Variants in ABCA3 observed in about 807,000 individuals in gnomAD.
ABCA3 encodes phospholipid-transporting ATPase ABCA3.
In ABCA3, 88 loss-of-function variants were observed where a neutral mutation model predicts 172.8. The observed-to-expected ratio is 0.51, with a 90% CI of 0.43 to 0.61. The LOEUF is 0.61. Ranked by LOEUF, ABCA3 falls within the 20% of genes least tolerant of loss-of-function variation. ABCA3 has a pLI of 0.00. For missense variants in ABCA3, 2,164 were observed against 2,301.0 expected, an observed-to-expected ratio of 0.94 and a Z score of 1.22; for synonymous variants, 1,066 against 983.8, an observed-to-expected ratio of 1.08 and a Z score of -1.56.
intron 11 of ABCA3, among the ~76,000 whole-genome samples, chr16:2,305,558 G>A (rs2093696365): frequency 6.6e-6 from 1 of 152,084 alleles, no homozygotes; most frequent in South Asian, 2.1e-4. Context: ...GCCTCCCAAA[G>A]TGCTGAGATT....
At position 2,284,428 on chromosome 16, in the gene ABCA3, A is replaced by T. The variant is rs2093659622; in HGVS notation, c.3713T>A (p.Leu1238Gln). 6.2e-7 allele frequency: 1 copy of T among 1,613,738 alleles called. No individual in the cohort carries two copies. The highest frequency in any genetic ancestry group is 1.3e-5 in the African/African-American group (1 of 74,924). The change falls in exon 25 of 33, where the codon CTG (leucine) becomes CAG (glutamine). Residue 1238 changes from leucine (L) to glutamine (Q), a missense_variant. Transcript: ENST00000301732. This position sits in a 1 kb window ranked among gnomAD's most constrained non-coding sequence, Gnocchi z 5.9. ...ATCCAGGGTTTTGGAAAGTTCTTCC[A>T]GTTTTACAGCTGCGTTGGGGAGGTA... The part of the protein sequence containing the change: ...VTIMRIPAVK[L>Q]EELSKTLDHV...
At position 2,278,796 on chromosome 16, in the gene ABCA3, C is replaced by A; in HGVS notation, c.4547+147G>T. ...CAGTCCCTTTCCTACGTGGAGCTACCTGGGTCACACCACCACATCCCAGCT... is the reference window on the plus strand; with the variant it reads ...CAGTCCCTTTCCTACGTGGAGCTACATGGGTCACACCACCACATCCCAGCT... On this transcript the variant is annotated intron_variant, in intron 29 of 32. Transcript: ENST00000301732. This position sits in a 1 kb window ranked among gnomAD's most constrained non-coding sequence, Gnocchi z 4.4. 1 of 1,236,370 alleles carries A rather than the reference C, an allele frequency of 8.1e-7. No individual in the cohort carries two copies. Among genetic ancestry groups the A allele is most frequent in the South Asian group, 1.3e-5 (1 of 77,556 alleles). The allele number at this position is 1,236,370 out of a possible 1,614,324, so 76.6% of individuals were successfully genotyped here. A position where few individuals can be genotyped will look rare whatever the true frequency, so the allele number is the denominator to read the frequency against.
At chr16:2,289,944 ATAT>A (rs752074315) in intron 19 of ABCA3, among the ~76,000 whole-genome samples, 12 of 145,716 alleles carry the variant, frequency 8.2e-5, no homozygotes, top group South Asian at 2.2e-4. Context: ...TGATTTTTTA[ATAT>A]TATGTGAATT....
At chr16:2,310,023 T>C (rs778462597) in intron 10 of ABCA3, among the ~76,000 whole-genome samples, 13 of 152,238 alleles carry the variant, frequency 8.5e-5, no homozygotes, top group Non-Finnish European at 1.6e-4. Context: ...ATATTTATTC[T>C]GTGAGAAATT....
chr16:2,292,268 C>G (rs1429591767), intron 18 of ABCA3, 30 bp from the exon 19 acceptor site: 1 of 1,570,340 alleles, frequency 6.4e-7, no homozygotes, highest in Non-Finnish European at 8.8e-7. Flanking sequence ...TTATGAGTCA[C>G]TTCTCAGTGA....
intron 19 of ABCA3, 94 bp downstream of exon 19, chr16:2,292,046 C>T: frequency 2.0e-6 from 2 of 996,744 alleles, no homozygotes. Context: ...GCACTCCAGC[C>T]TGGGCAACTA....
At chr16:2,303,683 G>A (rs2093693010) in intron 12 of ABCA3, among the ~76,000 whole-genome samples, 1 of 152,218 alleles carries the variant, frequency 6.6e-6, no homozygotes, top group African/African-American at 2.4e-5. Flanking sequence ...GAGGCTGCGT[G>A]CGTGGGTCTT....
chr16:2,335,907 C>T (rs1447432521), intron 1 of ABCA3, among the ~76,000 whole-genome samples: 1 of 152,138 alleles, frequency 6.6e-6, no homozygotes, highest in Non-Finnish European at 1.5e-5. Context: ...CTTAGTATTT[C>T]AAAGAGTCAG....
rs764804870 is a variant in ABCA3, at chr16:2,323,698, CAA to C, written c.448-12_448-11del. 2.9e-5 allele frequency: 46 copies of C among 1,613,936 alleles called. No homozygotes were observed. Among genetic ancestry groups the C allele is most frequent in the Admixed American group, 5.0e-5 (3 of 59,994 alleles). On this transcript the variant is annotated splice_polypyrimidine_tract_variant and intron_variant, in intron 6 of 32. Transcript: ENST00000301732. ...GTAGGTGATATTTCACCTGTGGAAA[CAA>C]AGAGAAAACCAGCTGTTCCGAGAGA...
rs566112092 is a variant in ABCA3 at position 2,298,123 on chromosome 16, G to A, written c.1897-202C>T. Among the ~76,000 whole-genome samples the A allele has an allele frequency of 7.7e-5, 10 of 130,106 alleles. 1 individual carries two copies. In the East Asian group the frequency reaches 1.3e-3, roughly 16 times the overall value. 85.4% of individuals were successfully genotyped at this position (130,106 alleles called of 152,430 possible). The stretch of plus-strand genomic sequence containing the variant: ...GCTGGGGAGATGCAGGGCTCCTGGC[G>A]GGAGGCCGACCACGGCCAGCGAGTT... On this transcript the variant is annotated intron_variant, in intron 15 of 32. Coordinates refer to ENST00000301732, the MANE Select transcript of ABCA3 (RefSeq NM_001089.3).
At chr16:2,300,728 C>G (rs1191466502) in intron 12 of ABCA3, among the ~76,000 whole-genome samples, 2 of 152,246 alleles carry the variant, frequency 1.3e-5, no homozygotes, top group Non-Finnish European at 2.9e-5. Flanking sequence ...TACATGGAGG[C>G]AGTCGACACA....
At chr16:2,311,713 G>C (rs1442274501) in intron 10 of ABCA3, among the ~76,000 whole-genome samples, 1 of 152,070 alleles carries the variant, frequency 6.6e-6, no homozygotes, top group Admixed American at 6.6e-5. Flanking sequence ...ATAGAGACGG[G>C]GTTTCACCAT....
chr16:2,298,719 A>G (rs896618388), intron 14 of ABCA3, among the ~76,000 whole-genome samples, 179 bp from the exon 15 acceptor site: 6 of 152,058 alleles, frequency 3.9e-5, no homozygotes, highest in Non-Finnish European at 7.4e-5. Flanking sequence ...GGGAAAAAGA[A>G]GCGGCATGGA....
At chr16:2,323,425 T>C in intron 7 of ABCA3, 98 bp downstream of exon 7, 1 of 1,499,202 alleles carries the variant, frequency 6.7e-7, no homozygotes. Context: ...GAAAAGTATT[T>C]CTTCAAGAAA....
chr16:2,280,367 T>G (rs1053160412), intron 28 of ABCA3, among the ~76,000 whole-genome samples: 1 of 152,224 alleles, frequency 6.6e-6, no homozygotes, highest in Non-Finnish European at 1.5e-5. Context: ...TCTCCTCTGT[T>G]TGTTTGCTGT....
rs908722575 is a variant in ABCA3 at position 2,285,235 on chromosome 16, G to C, written c.3483+207C>G. On this transcript the variant is annotated intron_variant, in intron 23 of 32. Coordinates refer to ENST00000301732, the MANE Select transcript of ABCA3 (RefSeq NM_001089.3). This position sits in a 1 kb window ranked among gnomAD's most constrained non-coding sequence, Gnocchi z 4.7. ...GAGCTGTAACCAGGATGGCTGCTCC[G>C]GGTGCTGCCCATGCATGGAGGGTAA... 6.6e-6 allele frequency among the ~76,000 whole-genome samples: 1 copy of C among 152,168 alleles called. No homozygotes were observed. The highest frequency in any genetic ancestry group is 6.5e-5 in the Admixed American group (1 of 15,286).
intron 3 of ABCA3, among the ~76,000 whole-genome samples, chr16:2,327,018 G>A (rs534987470): frequency 6.6e-6 from 1 of 152,304 alleles, no homozygotes; most frequent in African/African-American, 2.4e-5. Flanking sequence ...AAAACCCAAA[G>A]AGCATAGTCT....
chr16:2,297,993 G>T lies in ABCA3; in HGVS notation c.1897-72C>A, dbSNP rs1286089568. 1 of 1,510,176 alleles carries T rather than the reference G, an allele frequency of 6.6e-7. No individual in the cohort carries two copies. The highest frequency in any genetic ancestry group is 2.3e-5 in the East Asian group (1 of 43,692). 93.5% of individuals were successfully genotyped at this position (1,510,176 alleles called of 1,614,324 possible). A position where few individuals can be genotyped will look rare whatever the true frequency, so the allele number is the denominator to read the frequency against. On this transcript the variant is annotated intron_variant, in intron 15 of 32. Transcript: ENST00000301732. This position sits in a 1 kb window ranked among gnomAD's most constrained non-coding sequence, Gnocchi z 5.6. ...GCCGACCCTGGCCAGCGAGGTTCTG[G>T]TGAGAGGAACCTCTCCTTGACGTAG...
intron 12 of ABCA3, among the ~76,000 whole-genome samples, chr16:2,301,751 G>C (rs938547079): frequency 6.6e-6 from 1 of 151,906 alleles, no homozygotes; most frequent in Non-Finnish European, 1.5e-5. Flanking sequence ...ACTAGCCATC[G>C]GTAGGGAATC....
Sources: gnomAD v4.1 joint callset for allele counts (sites outside exome capture counted in the v4.1 genomes callset) on GRCh38, gnomAD v4.1.1 for gene constraint, Gnocchi (gnomAD v3.1) non-coding constraint, MANE v1.5 for transcripts, NCBI Gene and HGNC (gene_info 2026-07-23, HGNC 2026-07-21) for gene names.